Variants in STARD9 observed in about 807,000 individuals in gnomAD.
STARD9 encodes the protein stAR-related lipid transfer protein 9.
In STARD9, 346 loss-of-function variants were observed where a neutral mutation model predicts 399.8. That is an observed-to-expected ratio of 0.87 (90% CI 0.79 to 0.95). The LOEUF is 0.95. Ranked by LOEUF, STARD9 falls within the 40% of genes least tolerant of loss-of-function variation. The probability of loss-of-function intolerance (pLI) is 0.00; values close to 1 mark genes in which losing one functional copy is unlikely to be tolerated. For missense variants in STARD9, 5,832 were observed against 5,667.5 expected, an observed-to-expected ratio of 1.03 and a Z score of -0.93; for synonymous variants, 2,203 against 2,143.5, an observed-to-expected ratio of 1.03 and a Z score of -0.77.
chr15:42,685,096 G>T lies in STARD9; in HGVS notation c.3518G>T (p.Gly1173Val). 4 of 1,537,170 alleles carry T rather than the reference G, an allele frequency of 2.6e-6. No homozygotes were observed. The highest frequency in any genetic ancestry group is 3.5e-6 in the Non-Finnish European group (4 of 1,146,924). Reference sequence around the variant, plus strand: ...GGCAATCGTCCCACCAACAACCGTGGCCAACCCAGGACCAGAACTAGAGCT... The same window carrying T: ...GGCAATCGTCCCACCAACAACCGTGTCCAACCCAGGACCAGAACTAGAGCT... ...LGGNRPTNNR[G>V]QPRTRTRASV... Residue 1173 changes from glycine (G) to valine (V), a missense_variant, in exon 23 of 33, where the codon GGC becomes GTC. By Grantham distance (109) the Gly-to-Val change is moderately radical (BLOSUM62 -3). Around this residue, in one of 2 missense-constraint regions of STARD9, gnomAD observed 5,828 missense variants for 5,651.1 expected, o/e 1.03. Transcript: ENST00000290607.
Position 42,690,688 on chromosome 15 carries a change from CAG to C in STARD9, c.9115_9116del (p.Ser3039GlnfsTer4). The C allele has an allele frequency of 1.3e-6, 2 of 1,537,228 alleles. No individual in the cohort carries two copies. The highest frequency in any genetic ancestry group is 8.7e-7 in the Non-Finnish European group (1 of 1,146,904). Reference sequence around the variant, plus strand: ...GATGTTAACAGGGAATTTAGGCTAACAGAGAGCAGCACTTGTGAGCCTTCTAC... The same window carrying C: ...GATGTTAACAGGGAATTTAGGCTAACAGAGCAGCACTTGTGAGCCTTCTAC... On this transcript the variant is annotated frameshift_variant, in exon 23 of 33. Transcript: ENST00000290607. LOFTEE classifies it high-confidence loss of function.
chr15:42,707,207 G>A (rs1199575576), intron 26 of STARD9, among the ~76,000 whole-genome samples: 2 of 152,202 alleles, frequency 1.3e-5, no homozygotes, highest in African/African-American at 2.4e-5. Context: ...GATGATGCCA[G>A]ATTTTGGCAG....
At chr15:42,676,135 G>A (rs1006510299) in intron 20 of STARD9, among the ~76,000 whole-genome samples, 160 bp downstream of exon 20, 15 of 152,284 alleles carry the variant, frequency 9.9e-5, no homozygotes, top group Non-Finnish European at 2.9e-5. Flanking sequence ...TGATGATGCT[G>A]AACTAGCTGC....
chr15:42,686,020 A>G lies in STARD9; in HGVS notation c.4442A>G (p.Glu1481Gly), dbSNP rs2060546922. The G allele has an allele frequency of 5.9e-6, 9 of 1,537,280 alleles. No homozygotes were observed. The East Asian group carries it at 2.2e-4, about 38-fold the overall frequency. The change falls in exon 23 of 33, where the codon GAA becomes GGA. Residue 1481 changes from glutamate to glycine, a missense_variant. This residue lies in a region of STARD9 where 5,828 missense variants were observed against 5,651.1 expected (regional missense o/e 1.03). Transcript: ENST00000290607. ...TTLTHVGSTH[E>G]RDWSALQQKY... ...TTGACTCATGTAGGCAGCACCCATG[A>G]AAGGGATTGGTCTGCCCTTCAGCAG...
intron 26 of STARD9, among the ~76,000 whole-genome samples, chr15:42,714,035 T>G (rs1465521633): frequency 1.3e-5 from 2 of 151,944 alleles, no homozygotes; most frequent in African/African-American, 4.8e-5. Context: ...TATCTTAAAT[T>G]TGTAAATAAA....
At chr15:42,639,863 C>CAA (rs964883921) in intron 7 of STARD9, among the ~76,000 whole-genome samples, 4 of 113,694 alleles carry the variant, frequency 3.5e-5, no homozygotes, top group African/African-American at 3.3e-5. Flanking sequence ...GACGCCATCT[C>CAA]AAAAAAAAAA....
chr15:42,598,124 C>T (rs931662145), intron 3 of STARD9, among the ~76,000 whole-genome samples: 13 of 151,160 alleles, frequency 8.6e-5, no homozygotes, highest in Admixed American at 5.3e-4. Context: ...CTCCACCTTC[C>T]GAGTTCACGC....
intron 16 of STARD9, chr15:42,670,229 A>G (rs1330890018): frequency 2.0e-5 from 3 of 152,284 alleles, no homozygotes; most frequent in African/African-American, 7.2e-5. Context: ...AAAAGGAGAC[A>G]GAGAAAGTAG....
chr15:42,594,141 C>G (rs1319460741), intron 3 of STARD9, among the ~76,000 whole-genome samples: 2 of 152,076 alleles, frequency 1.3e-5, no homozygotes, highest in Non-Finnish European at 2.9e-5. Context: ...TGGTGAATAT[C>G]TTTTCCAATT....
rs1447902808 is a variant in STARD9, at chr15:42,688,109, C to T, written c.6531C>T (p.Ala2177=). ...HTHPAGSDRP[A]RDICDSLGKH... is the part of the protein sequence containing the mutation. ...ACCCAGCTGGATCGGACAGACCTGC[C>T]AGGGATATTTGTGATTCTTTAGGGA... is the stretch of plus-strand genomic sequence containing the variant. Residue 2177 remains alanine (A), a synonymous_variant, in exon 23 of 33, where the codon GCC becomes GCT. Transcript: ENST00000290607. 1 of 1,537,334 alleles carries T rather than the reference C, an allele frequency of 6.5e-7. No homozygotes were observed. Among genetic ancestry groups the T allele is most frequent in the East Asian group, 2.4e-5 (1 of 40,922 alleles).
chr15:42,690,651 C>CT lies in STARD9; in HGVS notation c.9075dup (p.Glu3026Ter), dbSNP rs746216161. 6.5e-6 allele frequency: 10 copies of CT among 1,537,210 alleles called. No homozygotes were observed. The highest frequency in any genetic ancestry group is 8.7e-6 in the Non-Finnish European group (10 of 1,146,898). Reference sequence around the variant, plus strand: ...ACCTGATGTGCACTTGACACATGGCCTTGAGCCCAAAGATGTTAACAGGGA... The same window carrying CT: ...ACCTGATGTGCACTTGACACATGGCCTTTGAGCCCAAAGATGTTAACAGGGA... On this transcript the variant is annotated frameshift_variant, in exon 23 of 33. Coordinates refer to ENST00000290607, the MANE Select transcript of STARD9 (RefSeq NM_020759.3). LOFTEE classifies it high-confidence loss of function.
At chr15:42,640,411 C>T (rs117807571) in intron 7 of STARD9, among the ~76,000 whole-genome samples, 2 of 152,234 alleles carry the variant, frequency 1.3e-5, no homozygotes, top group Non-Finnish European at 2.9e-5. Context: ...ATTTCCTTTG[C>T]TAGGAACCAG....
chr15:42,614,516 T>C (rs754432829), intron 3 of STARD9, among the ~76,000 whole-genome samples: 3 of 152,218 alleles, frequency 2.0e-5, no homozygotes, highest in Non-Finnish European at 2.9e-5. Context: ...ACAGTGATGC[T>C]GATTGCTGGT....
At chr15:42,621,127 C>T (rs1044597926) in intron 3 of STARD9, among the ~76,000 whole-genome samples, 2 of 152,154 alleles carry the variant, frequency 1.3e-5, no homozygotes, top group Admixed American at 6.5e-5. Flanking sequence ...ATACCAGTAT[C>T]ACTGAATTTA....
At chr15:42,599,492 G>A (rs557028774) in intron 3 of STARD9, among the ~76,000 whole-genome samples, 8 of 152,036 alleles carry the variant, frequency 5.3e-5, no homozygotes, top group African/African-American at 7.2e-5. Context: ...AGTTTCTATC[G>A]TACAAAATAC....
chr15:42,693,684 G>T lies in STARD9; in HGVS notation c.12106G>T (p.Val4036Leu). The part of the protein sequence containing the change: ...RLGNSFVPEK[V>L]ASPEHCPLSG... ...GGGCAACAGCTTTGTGCCTGAGAAG[G>T]TGGCTTCCCCGGAGCATTGCCCACT... Residue 4036 changes from valine to leucine, a missense_variant, in exon 23 of 33, where the codon GTG becomes TTG. By Grantham distance (32) the Val-to-Leu change is conservative. Around this residue, in one of 2 missense-constraint regions of STARD9, gnomAD observed 5,828 missense variants for 5,651.1 expected, o/e 1.03. Transcript: ENST00000290607. 7.2e-6 allele frequency: 11 copies of T among 1,537,208 alleles called. No individual in the cohort carries two copies. Among genetic ancestry groups the T allele is most frequent in the Non-Finnish European group, 9.6e-6 (11 of 1,146,922 alleles).
chr15:42,650,723 A>G (rs926309390), intron 7 of STARD9, among the ~76,000 whole-genome samples: 2 of 152,220 alleles, frequency 1.3e-5, no homozygotes, highest in African/African-American at 4.8e-5. Context: ...TATAACCTAT[A>G]TAGCAGAACT....
chr15:42,632,681 CAAAT>C (rs572877767), intron 3 of STARD9, among the ~76,000 whole-genome samples: 28 of 152,158 alleles, frequency 1.8e-4, no homozygotes, highest in African/African-American at 6.5e-4. Flanking sequence ...ATTATTAAAA[CAAAT>C]AAACTAACAA....
At chr15:42,600,484 G>C (rs1026288502) in intron 3 of STARD9, among the ~76,000 whole-genome samples, 2 of 151,746 alleles carry the variant, frequency 1.3e-5, no homozygotes, top group African/African-American at 2.4e-5. Flanking sequence ...GCTTGTGCAT[G>C]TGTGTGTGAG....
Sources: gnomAD v4.1 joint callset for allele counts (sites outside exome capture counted in the v4.1 genomes callset) on GRCh38, gnomAD v4.1.1 for gene constraint, gnomAD v4.1.1 regional missense constraint, MANE v1.5 for transcripts, NCBI Gene and HGNC (gene_info 2026-07-23, HGNC 2026-07-21) for gene names.